Variants in LRRC63 observed in about 807,000 individuals in gnomAD.
The protein encoded by LRRC63 is leucine rich repeat containing 63.
Under a neutral mutation model 49.5 loss-of-function variants are expected in LRRC63, and 40 were observed. The observed-to-expected ratio is 0.81, with a 90% CI of 0.63 to 1.05. LRRC63 has a LOEUF of 1.05. Ranked by LOEUF, LRRC63 falls within the 50% of genes least tolerant of loss-of-function variation. The pLI, the probability that LRRC63 is intolerant of heterozygous loss-of-function variation, is 0.00. For missense variants in LRRC63, 636 were observed against 663.1 expected (o/e 0.96, Z 0.45); for synonymous variants, 191 against 221.1 (o/e 0.86, Z 1.21).
At chr13:46,259,258 TG>T (rs34083679) in intron 7 of LRRC63, among the ~76,000 whole-genome samples, 7,027 of 152,138 alleles carry the variant, frequency 0.046, 182 homozygotes, top group Admixed American at 0.074. Context: ...AAAATCCAAA[TG>T]TTTTTTTTTC....
At chr13:46,239,040 A>G (rs2046982012) in intron 5 of LRRC63, among the ~76,000 whole-genome samples, 1 of 152,224 alleles carries the variant, frequency 6.6e-6, no homozygotes, top group Non-Finnish European at 1.5e-5. Context: ...AATTAGAAAG[A>G]TGTTACATTA....
intron 5 of LRRC63, among the ~76,000 whole-genome samples, chr13:46,234,843 T>C (rs909030737): frequency 2.0e-5 from 3 of 152,174 alleles, no homozygotes; most frequent in African/African-American, 7.2e-5. Context: ...TTGTATAAGA[T>C]CACACAGTAA....
intron 9 of LRRC63, chr13:46,270,238 T>C: frequency 1.1e-6 from 1 of 878,600 alleles, no homozygotes; most frequent in South Asian, 1.3e-5. Flanking sequence ...CAGAATCTCA[T>C]CCAGTTCTTC....
At chr13:46,259,326 G>GAAGTA (rs3991659) in intron 7 of LRRC63, among the ~76,000 whole-genome samples, 1 of 151,896 alleles carries the variant, frequency 6.6e-6, no homozygotes, top group Non-Finnish European at 1.5e-5. Context: ...GAGGTGGGGT[G>GAAGTA]AAGGACAGAG....
At chr13:46,233,446 A>T (rs1385308037) in intron 4 of LRRC63, among the ~76,000 whole-genome samples, 1 of 152,136 alleles carries the variant, frequency 6.6e-6, no homozygotes, top group Admixed American at 6.5e-5. Flanking sequence ...TTGTTCTAGG[A>T]TGCTTATTTT....
At chr13:46,225,467 G>A (rs1451695518) in intron 2 of LRRC63, among the ~76,000 whole-genome samples, 1 of 152,194 alleles carries the variant, frequency 6.6e-6, no homozygotes, top group Non-Finnish European at 1.5e-5. Flanking sequence ...TGAGAACAGA[G>A]ACTCTTCCGC....
exon 4 of LRRC63, chr13:46,228,675 A>G (rs909151686): frequency 6.5e-7 from 1 of 1,542,364 alleles, no homozygotes; most frequent in Non-Finnish European, 8.8e-7. Flanking sequence ...AAACTCTTGT[A>G]ACAGAAAATG....
chr13:46,265,600 G>A (rs528570222), intron 8 of LRRC63, among the ~76,000 whole-genome samples: 3 of 152,256 alleles, frequency 2.0e-5, no homozygotes, highest in African/African-American at 7.2e-5. Flanking sequence ...GAGGGCTCCT[G>A]CCCTGATCTA....
chr13:46,243,130 C>A (rs73480790), intron 5 of LRRC63, among the ~76,000 whole-genome samples: 21,148 of 152,130 alleles, frequency 0.14, 1,809 homozygotes, highest in African/African-American at 0.23. Context: ...GAGATAGGCA[C>A]TATGGAAGGA....
rs1474167987 is a variant in LRRC63, at chr13:46,270,783, A to G, written c.1550+3811A>G. ...CCTTCGTTTCCCCTCTCTGGCTTGC[A>G]TAATGAGCCTTGGTTCCCATTTGTC... is the stretch of plus-strand genomic sequence containing the variant. On this transcript the variant is annotated intron_variant, in intron 9 of 9. Transcript: ENST00000595396. Among the ~76,000 whole-genome samples, 5 of 152,304 alleles carry G rather than the reference A, an allele frequency of 3.3e-5. No homozygotes were observed. In the East Asian group the frequency reaches 9.6e-4, roughly 29 times the overall value.
chr13:46,255,204 C>T (rs2047479196), intron 7 of LRRC63, among the ~76,000 whole-genome samples: 1 of 151,876 alleles, frequency 6.6e-6, no homozygotes, highest in Non-Finnish European at 1.5e-5. Context: ...ATATAAGGTA[C>T]CTAGAATAGA....
intron 2 of LRRC63, among the ~76,000 whole-genome samples, chr13:46,223,811 G>T (rs770770457): frequency 9.9e-5 from 15 of 152,056 alleles, no homozygotes; most frequent in Admixed American, 1.3e-4. Flanking sequence ...AGCTGAGATT[G>T]TGCCACTGCA....
intron 5 of LRRC63, 47 bp from the exon 6 acceptor site, chr13:46,246,480 G>A (rs1362501121): frequency 3.4e-6 from 3 of 884,486 alleles, no homozygotes; most frequent in Non-Finnish European, 4.8e-6. Flanking sequence ...AAACTATTTT[G>A]TGCCTTGTTA....
intron 9 of LRRC63, among the ~76,000 whole-genome samples, chr13:46,275,402 A>G (rs868010972): frequency 2.8e-4 from 43 of 152,154 alleles, no homozygotes; most frequent in African/African-American, 8.2e-4. Flanking sequence ...GCCATCCTCC[A>G]TTCTGATGGC....
chr13:46,272,574 T>C lies in LRRC63; in HGVS notation c.1551-4016T>C, dbSNP rs970398451. Among the ~76,000 whole-genome samples the C allele has an allele frequency of 2.2e-4, 33 of 152,332 alleles. No individual in the cohort carries two copies. The Middle Eastern group carries it at 0.01, about 47-fold the overall frequency. On this transcript the variant is annotated intron_variant, in intron 9 of 9. Transcript: ENST00000595396. ...TGGTGAAAGCTTCTTGGAAGGCAAT[T>C]TGACAGTTTCTTAGACTTTAAAAGA...
At chr13:46,216,148 T>C (rs942585155) in intron 2 of LRRC63, among the ~76,000 whole-genome samples, 3 of 152,162 alleles carry the variant, frequency 2.0e-5, no homozygotes, top group Admixed American at 2.0e-4. Context: ...TTCTAATTCT[T>C]GGAAGAAAGT....
intron 8 of LRRC63, among the ~76,000 whole-genome samples, chr13:46,262,891 T>G (rs2047634684): frequency 6.6e-6 from 1 of 152,212 alleles, no homozygotes; most frequent in African/African-American, 2.4e-5. Flanking sequence ...TAGTTCTGAT[T>G]TAGTTTTACT....
At chr13:46,248,686 A>G (rs78305186) in intron 6 of LRRC63, among the ~76,000 whole-genome samples, 4,528 of 151,998 alleles carry the variant, frequency 0.03, 245 homozygotes, top group African/African-American at 0.1. Context: ...ATAATTGGAC[A>G]CTTCAATATC....
At chr13:46,215,917 A>C (rs917026179) in intron 2 of LRRC63, among the ~76,000 whole-genome samples, 1 of 152,196 alleles carries the variant, frequency 6.6e-6, no homozygotes, top group African/African-American at 2.4e-5. Flanking sequence ...GTCGAAGATC[A>C]GATGGTTGTA....
Sources: gnomAD v4.1 joint callset for allele counts (sites outside exome capture counted in the v4.1 genomes callset) on GRCh38, gnomAD v4.1.1 for gene constraint, MANE v1.5 for transcripts, NCBI Gene and HGNC (gene_info 2026-07-23, HGNC 2026-07-21) for gene names.